The following NOS1AP variants were observed in gnomAD, a reference collection of about 807,000 sequenced individuals.
NOS1AP encodes carboxyl-terminal PDZ ligand of neuronal nitric oxide synthase protein.
A neutral mutation model predicts 56.2 loss-of-function variants in NOS1AP; 21 were observed. The ratio of observed to expected loss-of-function variants is 0.37; its 90% confidence interval spans 0.26 to 0.54. NOS1AP has a LOEUF of 0.54. Among genes scored for constraint, NOS1AP ranks in the 20% least tolerant of loss-of-function variants. NOS1AP has a pLI of 0.84. For missense variants in NOS1AP, 522 were observed against 657.8 expected, an observed-to-expected ratio of 0.79 and a Z score of 2.26; for synonymous variants, 270 against 274.6, an observed-to-expected ratio of 0.98 and a Z score of 0.17.
Position 162,365,443 on chromosome 1 carries a change from G to A in NOS1AP, c.979G>A (p.Ala327Thr). 2 of 1,614,082 alleles carry A rather than the reference G, an allele frequency of 1.2e-6. No homozygotes were observed. The highest frequency in any genetic ancestry group is 1.7e-6 in the Non-Finnish European group (2 of 1,180,046). ...LKDQLAAEAA[A>T]RLEAQARVHQ... ...GGACCAGTTGGCTGCTGAGGCTGCG[G>A]CGCGGCTGGAGGCCCAGGCTCGCGT... Residue 327 changes from alanine to threonine, a missense_variant, in exon 9 of 10, where the codon GCG becomes ACG. Physicochemically the swap from Ala to Thr is moderately conservative, Grantham distance 58. Around this residue, in one of 4 missense-constraint regions of NOS1AP, gnomAD observed 52 missense variants for 94.5 expected, o/e 0.55. Transcript: ENST00000361897.
At chr1:162,154,245 A>G (rs919799838) in intron 1 of NOS1AP, among the ~76,000 whole-genome samples, 160 bp from the exon 2 acceptor site, 3 of 152,216 alleles carry the variant, frequency 2.0e-5, no homozygotes, top group Admixed American at 6.5e-5. Context: ...CTTGCTTTTT[A>G]TAAAGTTAGA....
rs926862166 is a variant in NOS1AP, at chr1:162,183,702, C to A, written c.177+29226C>A. Among the ~76,000 whole-genome samples the A allele has an allele frequency of 2.0e-5, 3 of 152,244 alleles. No individual in the cohort carries two copies. The East Asian group carries it at 5.8e-4, about 29-fold the overall frequency. On this transcript the variant is annotated intron_variant, in intron 2 of 9. Transcript: ENST00000361897. The stretch of plus-strand genomic sequence containing the variant: ...CTTTAACCTCATGAACCAACCTCTG[C>A]TAACTTCGAACTTTTCTTCTGCAGC...
rs763324869 is a variant in NOS1AP at position 162,357,124 on chromosome 1, G to A, written c.927G>A (p.Val309=). 1 of 1,607,452 alleles carries A rather than the reference G, an allele frequency of 6.2e-7. No homozygotes were observed. Among genetic ancestry groups the A allele is most frequent in the South Asian group, 1.1e-5 (1 of 91,074 alleles). Reference sequence around the variant, plus strand: ...AGCAGCAGCAGCAGCAGACACAAGTGGCTGTGGCCCAGGTTCTCCTCAGCC... The same window carrying A: ...AGCAGCAGCAGCAGCAGACACAAGTAGCTGTGGCCCAGGTTCTCCTCAGCC... The part of the protein sequence containing the change: ...LLQQQQQQTQ[V]AVAQVHLLKD... The change falls in exon 8 of 10, where the codon GTG becomes GTA. Residue 309 remains valine, a synonymous_variant. Coordinates refer to ENST00000361897, the MANE Select transcript of NOS1AP (RefSeq NM_014697.3).
intron 2 of NOS1AP, among the ~76,000 whole-genome samples, chr1:162,244,698 G>T (rs914779308): frequency 2.6e-5 from 4 of 152,094 alleles, no homozygotes; most frequent in Admixed American, 2.6e-4. Context: ...GGGGGACATT[G>T]TATGACGTTT....
At chr1:162,232,710 C>T (rs1653161626) in intron 2 of NOS1AP, among the ~76,000 whole-genome samples, 1 of 152,056 alleles carries the variant, frequency 6.6e-6, no homozygotes, top group African/African-American at 2.4e-5. Context: ...ATGAGACCAA[C>T]CCCAAATCTG....
chr1:162,088,123 G>C (rs1181128923), intron 1 of NOS1AP, among the ~76,000 whole-genome samples: 1 of 152,088 alleles, frequency 6.6e-6, no homozygotes, highest in African/African-American at 2.4e-5. Context: ...TTGGATTTCT[G>C]TAGAAATTCA....
At chr1:162,299,350 T>TG (rs981275515) in intron 3 of NOS1AP, among the ~76,000 whole-genome samples, 6 of 152,184 alleles carry the variant, frequency 3.9e-5, no homozygotes, top group Non-Finnish European at 8.8e-5. Flanking sequence ...TACCAGGTTT[T>TG]GGGGGGATCA....
At chr1:162,196,780 TGATATAG>T (rs1270711360) in intron 2 of NOS1AP, among the ~76,000 whole-genome samples, 1 of 152,180 alleles carries the variant, frequency 6.6e-6, no homozygotes, top group Non-Finnish European at 1.5e-5. Context: ...TTTTACAGAT[TGATATAG>T]GGGTTGCTTG....
chr1:162,099,187 CT>C (rs1209300721), intron 1 of NOS1AP, among the ~76,000 whole-genome samples: 3 of 136,926 alleles, frequency 2.2e-5, no homozygotes, highest in African/African-American at 7.6e-5. Context: ...TACTTTTTGA[CT>C]TTTTTTTTGT....
intron 1 of NOS1AP, among the ~76,000 whole-genome samples, chr1:162,113,793 A>G (rs1208388599): frequency 6.6e-6 from 1 of 152,128 alleles, no homozygotes; most frequent in Non-Finnish European, 1.5e-5. Context: ...TATTTGGGAG[A>G]GGACACAAAT....
intron 2 of NOS1AP, among the ~76,000 whole-genome samples, chr1:162,245,452 G>T (rs1262866731): frequency 6.6e-6 from 1 of 152,228 alleles, no homozygotes; most frequent in Non-Finnish European, 1.5e-5. Flanking sequence ...GGTACAGCCA[G>T]TTGGAAGACA....
intron 2 of NOS1AP, among the ~76,000 whole-genome samples, chr1:162,159,321 C>A (rs933244603): frequency 2.0e-5 from 3 of 152,118 alleles, no homozygotes; most frequent in Admixed American, 6.5e-5. Context: ...ATCTCAGTTT[C>A]CTCATTTATA....
At chr1:162,125,389 C>T (rs1394866054) in intron 1 of NOS1AP, among the ~76,000 whole-genome samples, 1 of 152,132 alleles carries the variant, frequency 6.6e-6, no homozygotes, top group African/African-American at 2.4e-5. Flanking sequence ...CCACCTTGGC[C>T]TCCCAAAGTG....
chr1:162,351,211 G>C (rs1657483860), intron 6 of NOS1AP, among the ~76,000 whole-genome samples: 1 of 152,222 alleles, frequency 6.6e-6, no homozygotes, highest in Admixed American at 6.5e-5. Flanking sequence ...AACTAGTGCA[G>C]TGCCTGAAGC....
chr1:162,247,224 C>G (rs1289305692), intron 2 of NOS1AP, among the ~76,000 whole-genome samples: 1 of 152,170 alleles, frequency 6.6e-6, no homozygotes, highest in Non-Finnish European at 1.5e-5. Flanking sequence ...GGCATTTTCT[C>G]CCCTTGCCTC....
At chr1:162,343,721 T>TA (rs1657182589) in intron 5 of NOS1AP, 114 bp from the exon 6 acceptor site, 1 of 1,212,402 alleles carries the variant, frequency 8.2e-7, no homozygotes, top group Non-Finnish European at 1.2e-6. Flanking sequence ...TGTATGTGCA[T>TA]ATCTGAACAA....
At chr1:162,115,999 G>A (rs1175245260) in intron 1 of NOS1AP, among the ~76,000 whole-genome samples, 4 of 152,168 alleles carry the variant, frequency 2.6e-5, no homozygotes, top group African/African-American at 7.2e-5. Flanking sequence ...GTTGTTTGGC[G>A]ATTAGAGGAT....
chr1:162,294,763 C>T (rs1287345631), intron 3 of NOS1AP, among the ~76,000 whole-genome samples: 2 of 152,084 alleles, frequency 1.3e-5, no homozygotes, highest in Non-Finnish European at 2.9e-5. Context: ...GCGGAGGGCA[C>T]AGGAGTAAGA....
intron 2 of NOS1AP, among the ~76,000 whole-genome samples, chr1:162,202,220 GT>G (rs1215671541): frequency 3.3e-5 from 5 of 152,044 alleles, no homozygotes; most frequent in African/African-American, 7.2e-5. Context: ...GCTTTACTGA[GT>G]TTTTTTCCTT....
Sources: allele counts gnomAD v4.1 joint callset (sites outside exome capture counted in the v4.1 genomes callset), GRCh38; gene constraint gnomAD v4.1.1; regional missense constraint gnomAD v4.1.1; transcripts MANE v1.5; gene names NCBI Gene and HGNC (gene_info 2026-07-23, HGNC 2026-07-21).